PRDM10: variants seen among roughly 807,000 people sequenced by gnomAD.
PRDM10 encodes the protein PR/SET domain 10.
In PRDM10, 65 loss-of-function variants were observed where a neutral mutation model predicts 133.1. The observed-to-expected ratio is 0.49, with a 90% CI of 0.40 to 0.60. The LOEUF (loss-of-function observed/expected upper bound fraction) is 0.60. PRDM10 is among the 20% of genes least tolerant of loss of function. The pLI, the probability that PRDM10 is intolerant of heterozygous loss-of-function variation, is 0.00. For synonymous variants in PRDM10, 582 were observed against 580.4 expected, an observed-to-expected ratio of 1.00 and a Z score of -0.04; for missense variants, 1,137 against 1,507.1, an observed-to-expected ratio of 0.75 and a Z score of 4.07.
At chr11:129,930,929 G>T in intron 11 of PRDM10, 87 bp downstream of exon 11, 2 of 1,492,822 alleles carry the variant, frequency 1.3e-6, no homozygotes, top group Non-Finnish European at 1.8e-6. Context: ...AGAGAGGAAG[G>T]TGAATAGGTT....
chr11:129,918,855 G>A lies in PRDM10; in HGVS notation c.2035-137C>T. ...AGACATTTGAGTTGCTGGAACACTA[G>A]GACGCAGACATGTTAAAAGTGGCTG... On this transcript the variant is annotated intron_variant, in intron 13 of 20. Coordinates refer to ENST00000360871, the MANE Select transcript of PRDM10 (RefSeq NM_199437.2). The surrounding 1 kb of genome is among the most constrained non-coding windows in gnomAD (Gnocchi z 5.3). 2.4e-6 allele frequency: 2 copies of A among 845,832 alleles called. No individual in the cohort carries two copies. The highest frequency in any genetic ancestry group is 1.9e-6 in the Non-Finnish European group (1 of 539,110). 52.4% of individuals were successfully genotyped at this position (845,832 alleles called of 1,614,324 possible).
intron 1 of PRDM10, among the ~76,000 whole-genome samples, chr11:129,990,264 T>A (rs574026281): frequency 6.6e-6 from 1 of 152,038 alleles, no homozygotes; most frequent in African/African-American, 2.4e-5. Context: ...GAGAACAGCA[T>A]GAACCCAGGA....
chr11:129,986,578 G>A (rs1182409751), intron 1 of PRDM10, among the ~76,000 whole-genome samples: 3 of 152,100 alleles, frequency 2.0e-5, no homozygotes, highest in African/African-American at 7.2e-5. Flanking sequence ...TAGTAGAAAC[G>A]GGATTTTGCC....
chr11:129,957,667 A>T, intron 3 of PRDM10, 79 bp downstream of exon 3: 2 of 1,520,586 alleles, frequency 1.3e-6, no homozygotes, highest in Non-Finnish European at 1.8e-6. Flanking sequence ...TACCTAGCAC[A>T]ATGACTGACA....
intron 20 of PRDM10, among the ~76,000 whole-genome samples, chr11:129,903,523 C>G (rs956841412): frequency 1.3e-5 from 2 of 152,116 alleles, no homozygotes; most frequent in African/African-American, 4.8e-5. Flanking sequence ...TTCCCCTCAT[C>G]ATGAAAACGT....
chr11:129,994,546 G>A (rs1166233989), intron 1 of PRDM10, among the ~76,000 whole-genome samples: 1 of 151,830 alleles, frequency 6.6e-6, no homozygotes, highest in Non-Finnish European at 1.5e-5. Context: ...GCTGAGACAG[G>A]AGGATGGCTT....
At position 129,908,727 on chromosome 11, in the gene PRDM10, T is replaced by C. The variant is rs77079918; in HGVS notation, c.3163+1749A>G. Among the ~76,000 whole-genome samples, 1,497 of 152,298 alleles carry C rather than the reference T, an allele frequency of 9.8e-3. 25 individuals carry two copies. Among genetic ancestry groups the C allele is most frequent in the African/African-American group, 0.034 (1,419 of 41,566 alleles). Reference sequence around the variant, plus strand: ...GAATCTTTTCTACAGGTTAGAATGCTAGTTCATCCTATTATTATCATGAAT... The same window carrying C: ...GAATCTTTTCTACAGGTTAGAATGCCAGTTCATCCTATTATTATCATGAAT... On this transcript the variant is annotated intron_variant, in intron 19 of 20. Transcript: ENST00000360871.
chr11:129,918,479 C>A lies in PRDM10; in HGVS notation c.2214+60G>T. On this transcript the variant is annotated intron_variant, in intron 14 of 20. Coordinates refer to ENST00000360871, the MANE Select transcript of PRDM10 (RefSeq NM_199437.2). This position sits in a 1 kb window ranked among gnomAD's most constrained non-coding sequence, Gnocchi z 5.3. The stretch of plus-strand genomic sequence containing the variant: ...CACAATGCAACACAAACGTCACCAT[C>A]ATCGACAGCAATGAGGTATGCTGGG... 1 of 1,546,824 alleles carries A rather than the reference C, an allele frequency of 6.5e-7. No homozygotes were observed. The highest frequency in any genetic ancestry group is 1.2e-5 in the South Asian group (1 of 82,836).
At chr11:129,957,609 G>A (rs1168987516) in intron 3 of PRDM10, 137 bp downstream of exon 3, 15 of 1,064,748 alleles carry the variant, frequency 1.4e-5, no homozygotes, top group Admixed American at 1.1e-4. Flanking sequence ...GAGCCACCGC[G>A]CCTGGCTGAG....
intron 1 of PRDM10, among the ~76,000 whole-genome samples, chr11:129,996,476 T>C (rs1173438935): frequency 6.6e-6 from 1 of 152,148 alleles, no homozygotes; most frequent in Non-Finnish European, 1.5e-5. Context: ...AGGTCCAAAA[T>C]AGTTTGTTGG....
intron 17 of PRDM10, among the ~76,000 whole-genome samples, chr11:129,913,628 C>A (rs375044886): frequency 6.6e-6 from 1 of 152,174 alleles, no homozygotes; most frequent in African/African-American, 2.4e-5. Flanking sequence ...AAAGTACAGG[C>A]CCTTTTTCTA....
chr11:129,983,847 C>T (rs1938254922), intron 1 of PRDM10, among the ~76,000 whole-genome samples: 1 of 152,128 alleles, frequency 6.6e-6, no homozygotes, highest in African/African-American at 2.4e-5. Flanking sequence ...GCTATTGAAT[C>T]AGATTCCGAA....
chr11:129,995,195 A>G (rs1273356282), intron 1 of PRDM10, among the ~76,000 whole-genome samples: 1 of 152,216 alleles, frequency 6.6e-6, no homozygotes, highest in Non-Finnish European at 1.5e-5. Flanking sequence ...ATAATTTTCA[A>G]TTCATCAACT....
In PRDM10 at chr11:129,903,293, C is replaced by T. The variant is rs1289819505; in HGVS notation, c.3268-777G>A. 7.2e-5 allele frequency among the ~76,000 whole-genome samples: 5 copies of T among 69,494 alleles called. No individual in the cohort carries two copies. The South Asian group carries it at 1.5e-3, about 21-fold the overall frequency. 45.6% of individuals were successfully genotyped at this position (69,494 alleles called of 152,430 possible). A position where few individuals can be genotyped will look rare whatever the true frequency, so the allele number is the denominator to read the frequency against. On this transcript the variant is annotated intron_variant, in intron 20 of 20. Coordinates refer to ENST00000360871, the MANE Select transcript of PRDM10 (RefSeq NM_199437.2). Reference sequence around the variant, plus strand: ...AGCCTGGGCAACAAGAGCGAAACTCCGTCTCAAAATAATAATAATAATAAT... The same window carrying T: ...AGCCTGGGCAACAAGAGCGAAACTCTGTCTCAAAATAATAATAATAATAAT...
rs761282530 is a variant in PRDM10, at chr11:129,924,836, T to C, written c.1878+46A>G. ...GTTTTCCAAAAATCGAAGTTTCTTT[T>C]ACCAAAAGAAGGAAGCAGACAGGAA... On this transcript the variant is annotated intron_variant, in intron 12 of 20. Transcript: ENST00000360871. The C allele has an allele frequency of 9.3e-6, 14 of 1,503,564 alleles. 1 individual carries two copies. The South Asian group carries it at 1.9e-4, about 20-fold the overall frequency. 93.1% of individuals were successfully genotyped at this position (1,503,564 alleles called of 1,614,324 possible). A position where few individuals can be genotyped will look rare whatever the true frequency, so the allele number is the denominator to read the frequency against.
intron 7 of PRDM10, among the ~76,000 whole-genome samples, chr11:129,938,318 C>T (rs150866026): frequency 2.0e-5 from 3 of 152,290 alleles, no homozygotes; most frequent in Non-Finnish European, 2.9e-5. Context: ...TTAGATGTCT[C>T]ACAAACAGAT....
chr11:129,915,100 T>G, intron 16 of PRDM10, 82 bp from the exon 17 acceptor site: 1 of 1,410,614 alleles, frequency 7.1e-7, no homozygotes, highest in Non-Finnish European at 9.6e-7. Flanking sequence ...CCTCCAAAGA[T>G]TCCTAAAGTC....
At chr11:129,941,184 T>G (rs756437576) in intron 7 of PRDM10, among the ~76,000 whole-genome samples, 8 of 152,230 alleles carry the variant, frequency 5.3e-5, no homozygotes, top group South Asian at 2.1e-4. Context: ...ATGGAGGCAC[T>G]GTGCAATTCA....
intron 1 of PRDM10, among the ~76,000 whole-genome samples, chr11:129,976,364 A>AAG (rs1177492044): frequency 6.6e-6 from 1 of 152,094 alleles, no homozygotes; most frequent in Non-Finnish European, 1.5e-5. Flanking sequence ...GGCCAAGGGG[A>AAG]AGAGAGTAGG....
Sources: gnomAD v4.1 joint callset for allele counts (sites outside exome capture counted in the v4.1 genomes callset) on GRCh38, gnomAD v4.1.1 for gene constraint, Gnocchi (gnomAD v3.1) non-coding constraint, MANE v1.5 for transcripts, NCBI Gene and HGNC (gene_info 2026-07-23, HGNC 2026-07-21) for gene names.